The following METTL24 variants were observed in gnomAD, a reference collection of about 807,000 sequenced individuals.
The protein encoded by METTL24 is probable methyltransferase-like protein 24.
In METTL24, 29 loss-of-function variants were observed where a neutral mutation model predicts 32.7. That is an observed-to-expected ratio of 0.89 (90% CI 0.66 to 1.21). The LOEUF (loss-of-function observed/expected upper bound fraction) is 1.21, where lower values mean the gene tolerates loss of function less well. Among genes scored for constraint, METTL24 ranks in the 50% most tolerant of loss-of-function variants. The probability of loss-of-function intolerance (pLI) is 0.00; values close to 1 mark genes in which losing one functional copy is unlikely to be tolerated. For missense variants in METTL24, 439 were observed against 468.1 expected (o/e 0.94, Z 0.57); for synonymous variants, 163 against 179.5 (o/e 0.91, Z 0.73).
chr6:110,274,242 A>G (rs9487334), intron 4 of METTL24, among the ~76,000 whole-genome samples: 33,791 of 151,902 alleles, frequency 0.22, 5,550 homozygotes, highest in African/African-American at 0.47. Context: ...ACAGGTGCCC[A>G]CCACTATGCC....
chr6:110,309,440 C>G (rs1454894734), intron 3 of METTL24, among the ~76,000 whole-genome samples: 3 of 152,202 alleles, frequency 2.0e-5, no homozygotes, highest in Non-Finnish European at 4.4e-5. Context: ...CACATTTCAT[C>G]TAAAACATAT....
chr6:110,309,570 C>T (rs977043991), intron 3 of METTL24, among the ~76,000 whole-genome samples: 2 of 152,098 alleles, frequency 1.3e-5, no homozygotes, highest in African/African-American at 4.8e-5. Context: ...TCTGGGGAGG[C>T]CTCAGAATCA....
intron 1 of METTL24, chr6:110,332,560 A>C: frequency 6.2e-6 from 5 of 800,874 alleles, no homozygotes; most frequent in Non-Finnish European, 7.5e-6. Flanking sequence ...GAGGTAGCAC[A>C]TCAACCTGGA....
At chr6:110,340,628 G>A (rs1210760386) in intron 1 of METTL24, among the ~76,000 whole-genome samples, 2 of 152,200 alleles carry the variant, frequency 1.3e-5, no homozygotes, top group East Asian at 3.8e-4. Flanking sequence ...GTGCATGTGT[G>A]CAAATGTTCA....
intron 4 of METTL24, among the ~76,000 whole-genome samples, chr6:110,278,705 T>A (rs567920073): frequency 1.3e-5 from 2 of 152,240 alleles, no homozygotes; most frequent in East Asian, 3.9e-4. Flanking sequence ...AGAGAACAGA[T>A]TCATATAGGA....
At chr6:110,311,391 T>C (rs758729538) in intron 3 of METTL24, among the ~76,000 whole-genome samples, 4 of 152,064 alleles carry the variant, frequency 2.6e-5, no homozygotes, top group Non-Finnish European at 5.9e-5. Context: ...GCCCTTGTAA[T>C]CTATTCATTG....
intron 4 of METTL24, among the ~76,000 whole-genome samples, chr6:110,255,384 G>T (rs145269330): frequency 1.1e-3 from 170 of 152,268 alleles, no homozygotes; most frequent in African/African-American, 3.9e-3. Flanking sequence ...AGAAACCCAA[G>T]TCAGGGACAG....
intron 3 of METTL24, among the ~76,000 whole-genome samples, chr6:110,309,847 A>T (rs1771686972): frequency 6.7e-6 from 1 of 150,024 alleles, no homozygotes; most frequent in Non-Finnish European, 1.5e-5. Flanking sequence ...AAGGGGTAAA[A>T]TGTATTCTTA....
rs576289966 is a variant in METTL24, at chr6:110,357,977, G to T, written c.296C>A (p.Pro99Gln). 2 of 1,179,996 alleles carry T rather than the reference G, an allele frequency of 1.7e-6. No homozygotes were observed. The highest frequency in any genetic ancestry group is 4.2e-5 in the South Asian group (1 of 23,912). The allele number at this position is 1,179,996 out of a possible 1,614,324, so 73.1% of individuals were successfully genotyped here. ...SGTPEPGCCA[P>Q]RGRPRRKGPR... ...GACCTTCCGGCGGGGGCGCCCGCGC[G>T]GGGCACAGCAGCCAGGCTCCGGCGT... Residue 99 changes from proline to glutamine, a missense_variant, in exon 1 of 5, where the codon CCG (proline) becomes CAG (glutamine). By Grantham distance (76) the Pro-to-Gln change is moderately conservative. Coordinates refer to ENST00000338882, the MANE Select transcript of METTL24 (RefSeq NM_001123364.3).
At chr6:110,275,107 G>A (rs1771025385) in intron 4 of METTL24, among the ~76,000 whole-genome samples, 1 of 151,446 alleles carries the variant, frequency 6.6e-6, no homozygotes, top group Non-Finnish European at 1.5e-5. Context: ...CTGCTTGCCT[G>A]ATATTTTTAA....
intron 4 of METTL24, among the ~76,000 whole-genome samples, chr6:110,276,637 A>G (rs1771052043): frequency 6.6e-6 from 1 of 152,298 alleles, no homozygotes; most frequent in Middle Eastern, 3.4e-3. Flanking sequence ...CTAGGCCACA[A>G]GATACCACCA....
At chr6:110,285,870 C>G (rs1024081867) in intron 4 of METTL24, among the ~76,000 whole-genome samples, 3 of 152,246 alleles carry the variant, frequency 2.0e-5, no homozygotes, top group Non-Finnish European at 4.4e-5. Context: ...ACACCCACTT[C>G]TTGTACACAG....
chr6:110,296,657 G>A lies in METTL24; in HGVS notation c.786+2265C>T, dbSNP rs79618474. Reference sequence around the variant, plus strand: ...TATACAGAATAGGAAAACTAACAGCGGAATAGGGAAATTACTACAAAACTA... The same window carrying A: ...TATACAGAATAGGAAAACTAACAGCAGAATAGGGAAATTACTACAAAACTA... On this transcript the variant is annotated intron_variant, in intron 4 of 4. Transcript: ENST00000338882. Among the ~76,000 whole-genome samples the A allele has an allele frequency of 6.8e-3, 1,042 of 152,222 alleles. 9 individuals carry two copies. Among genetic ancestry groups the A allele is most frequent in the African/African-American group, 0.024 (988 of 41,532 alleles).
intron 4 of METTL24, among the ~76,000 whole-genome samples, chr6:110,265,466 C>G (rs1368676567): frequency 6.6e-6 from 1 of 152,214 alleles, no homozygotes; most frequent in Non-Finnish European, 1.5e-5. Context: ...ACCCTGACTT[C>G]TAGCTGACCT....
At chr6:110,303,069 T>A (rs1394100677) in intron 3 of METTL24, among the ~76,000 whole-genome samples, 2 of 151,710 alleles carry the variant, frequency 1.3e-5, no homozygotes, top group Admixed American at 6.6e-5. Context: ...GGTCGGGAAA[T>A]CCCTCCCCTA....
Position 110,243,942 on chromosome 6 carries a change from G to GT in METTL24, c.*2003dup, listed in dbSNP as rs1369554644. On this transcript the variant is annotated 3_prime_UTR_variant, in exon 5 of 5. Transcript: ENST00000338882. ...TAATTGACAATAAAGTAATAATGTG[G>GT]TTTTTATGCTATTTATTTGAAATAG... 1.3e-5 allele frequency among the ~76,000 whole-genome samples: 2 copies of GT among 152,150 alleles called. No homozygotes were observed. The highest frequency in any genetic ancestry group is 4.8e-5 in the African/African-American group (2 of 41,426).
intron 1 of METTL24, among the ~76,000 whole-genome samples, chr6:110,346,469 A>C (rs1455735187): frequency 2.0e-5 from 3 of 150,690 alleles, no homozygotes; most frequent in Non-Finnish European, 2.9e-5. Flanking sequence ...TGTAATAAGC[A>C]GTTCCTTTGT....
At chr6:110,309,190 C>T (rs1771674969) in intron 3 of METTL24, among the ~76,000 whole-genome samples, 1 of 152,116 alleles carries the variant, frequency 6.6e-6, no homozygotes, top group African/African-American at 2.4e-5. Context: ...AAGTTTTTAA[C>T]CCTCCCATTG....
rs573118266 is a variant in METTL24 at position 110,327,044 on chromosome 6, G to A, written c.319-4172C>T. Among the ~76,000 whole-genome samples the A allele has an allele frequency of 3.3e-5, 5 of 152,278 alleles. No individual in the cohort carries two copies. In the South Asian group the frequency reaches 8.3e-4, roughly 25 times the overall value. On this transcript the variant is annotated intron_variant, in intron 1 of 4. Transcript: ENST00000338882. ...AGGCTCTGTGTCACAATTTAATATA[G>A]GCCACAGCTGTGTAAACCAATAAAT...
Sources: gnomAD v4.1 joint callset for allele counts (sites outside exome capture counted in the v4.1 genomes callset) on GRCh38, gnomAD v4.1.1 for gene constraint, MANE v1.5 for transcripts, NCBI Gene and HGNC (gene_info 2026-07-23, HGNC 2026-07-21) for gene names.